Variants in TOP1 observed in about 807,000 individuals in gnomAD.
TOP1 encodes the protein DNA topoisomerase I.
A neutral mutation model predicts 111.1 loss-of-function variants in TOP1; 10 were observed. The observed-to-expected ratio is 0.09, with a 90% confidence interval of 0.06 to 0.15. The LOEUF (loss-of-function observed/expected upper bound fraction) is 0.15. TOP1 is among the 10% of genes least tolerant of loss of function. The pLI is 1.00. For missense variants in TOP1, 474 were observed against 926.7 expected (o/e 0.51, Z 6.34); for synonymous variants, 271 against 302.9 (o/e 0.89, Z 1.10).
intron 2 of TOP1, among the ~76,000 whole-genome samples, chr20:41,047,147 G>A (rs747925758): frequency 3.3e-5 from 5 of 152,304 alleles, no homozygotes; most frequent in South Asian, 2.1e-4. Context: ...TAGTACTAGC[G>A]CAGTGTTCTG....
In TOP1 at chr20:41,097,852, A is replaced by G. The variant is rs1469071541; in HGVS notation, c.853-363A>G. On this transcript the variant is annotated intron_variant, in intron 10 of 20. Coordinates refer to ENST00000361337, the MANE Select transcript of TOP1 (RefSeq NM_003286.4). This position sits in a 1 kb window ranked among gnomAD's most constrained non-coding sequence, Gnocchi z 4.2. ...TTACTTCCTGAACTAGCTCAGAAAA[A>G]GCAGACTTAATAAATGAATAGAATA... 6.6e-6 allele frequency among the ~76,000 whole-genome samples: 1 copy of G among 152,212 alleles called. No individual in the cohort carries two copies. The highest frequency in any genetic ancestry group is 6.5e-5 in the Admixed American group (1 of 15,284).
At position 41,071,507 on chromosome 20, in the gene TOP1, G is replaced by C. The variant is rs2033669113; in HGVS notation, c.156-4664G>C. Among the ~76,000 whole-genome samples the C allele has an allele frequency of 6.6e-6, 1 of 152,104 alleles. No individual in the cohort carries two copies. The highest frequency in any genetic ancestry group is 6.5e-5 in the Admixed American group (1 of 15,274). On this transcript the variant is annotated intron_variant, in intron 3 of 20. Coordinates refer to ENST00000361337, the MANE Select transcript of TOP1 (RefSeq NM_003286.4). This position sits in a 1 kb window ranked among gnomAD's most constrained non-coding sequence, Gnocchi z 4.3. The stretch of plus-strand genomic sequence containing the variant: ...TTACAGGCATGTGCCACCACGCCCA[G>C]CTAATTTTTGTATTTTTAGTAGAAA...
chr20:41,054,146 A>G (rs554267831), intron 2 of TOP1, among the ~76,000 whole-genome samples: 3 of 152,274 alleles, frequency 2.0e-5, no homozygotes, highest in Admixed American at 2.0e-4. Context: ...TCCCCACCCA[A>G]ATCTCATGTT....
chr20:41,040,320 C>T (rs2033245771), intron 2 of TOP1, among the ~76,000 whole-genome samples: 1 of 152,176 alleles, frequency 6.6e-6, no homozygotes, highest in African/African-American at 2.4e-5. Flanking sequence ...CTTACTGTGC[C>T]TTAATCATAC....
chr20:41,104,240 T>C (rs1198660492), intron 13 of TOP1, among the ~76,000 whole-genome samples: 3 of 152,162 alleles, frequency 2.0e-5, no homozygotes, highest in African/African-American at 7.2e-5. Context: ...AAGAGGGAAA[T>C]GACACCAGAT....
chr20:41,110,830 G>T lies in TOP1; in HGVS notation c.1309-1952G>T, dbSNP rs142692722. 1.8e-3 allele frequency among the ~76,000 whole-genome samples: 274 copies of T among 152,288 alleles called. No individual in the cohort carries two copies. The highest frequency in any genetic ancestry group is 6.4e-3 in the African/African-American group (267 of 41,538). ...TAGTTTATTTTCTAAAAGTAGTCAA[G>T]AAAGCTTGTTCAGGGCATTGAACAC... is the stretch of plus-strand genomic sequence containing the variant. On this transcript the variant is annotated intron_variant, in intron 13 of 20. Coordinates refer to ENST00000361337, the MANE Select transcript of TOP1 (RefSeq NM_003286.4). This position sits in a 1 kb window ranked among gnomAD's most constrained non-coding sequence, Gnocchi z 4.2.
At chr20:41,073,385 A>AAAG (rs2033689684) in intron 3 of TOP1, 3 of 984,124 alleles carry the variant, frequency 3.0e-6, no homozygotes, top group Non-Finnish European at 3.6e-6. Flanking sequence ...AAAAAAAAAA[A>AAAG]AAAGAAAGAA....
At position 41,067,666 on chromosome 20, in the gene TOP1, G is replaced by A. The variant is rs148504891; in HGVS notation, c.155+6176G>A. Among the ~76,000 whole-genome samples the A allele has an allele frequency of 2.2e-3, 332 of 152,312 alleles. 1 individual carries two copies. The highest frequency in any genetic ancestry group is 6.6e-3 in the African/African-American group (273 of 41,576). Reference sequence around the variant, plus strand: ...TTGTTAGGAGAAAACAAGTGTTTCAGATGTGTTTCTGTGTCCCTTCCTTCT... The same window carrying A: ...TTGTTAGGAGAAAACAAGTGTTTCAAATGTGTTTCTGTGTCCCTTCCTTCT... On this transcript the variant is annotated intron_variant, in intron 3 of 20. Transcript: ENST00000361337. This position sits in a 1 kb window ranked among gnomAD's most constrained non-coding sequence, Gnocchi z 4.0.
rs1308902998 is a variant in TOP1 at position 41,102,887 on chromosome 20, GT to G, written c.1308+1536del. Among the ~76,000 whole-genome samples, 1 of 152,154 alleles carries G rather than the reference GT, an allele frequency of 6.6e-6. No individual in the cohort carries two copies. Among genetic ancestry groups the G allele is most frequent in the East Asian group, 1.9e-4 (1 of 5,196 alleles). ...TAAAATGCATTAGATAAACAGAGGA[GT>G]TATTTGCAGCACCTTAGAGATCAAC... On this transcript the variant is annotated intron_variant, in intron 13 of 20. Coordinates refer to ENST00000361337, the MANE Select transcript of TOP1 (RefSeq NM_003286.4). This position sits in a 1 kb window ranked among gnomAD's most constrained non-coding sequence, Gnocchi z 4.0.
chr20:41,104,988 A>G (rs1297748559), intron 13 of TOP1, among the ~76,000 whole-genome samples: 1 of 152,222 alleles, frequency 6.6e-6, no homozygotes, highest in East Asian at 1.9e-4. Flanking sequence ...TAATTATGTA[A>G]TGAACACTCG....
chr20:41,104,076 C>T (rs910603951), intron 13 of TOP1, among the ~76,000 whole-genome samples: 46 of 152,166 alleles, frequency 3.0e-4, no homozygotes, highest in Non-Finnish European at 1.9e-4. Context: ...GTCTCTTTAA[C>T]ATGGCATTTA....
At chr20:41,064,680 T>C (rs1305171439) in intron 3 of TOP1, among the ~76,000 whole-genome samples, 1 of 152,206 alleles carries the variant, frequency 6.6e-6, no homozygotes, top group Non-Finnish European at 1.5e-5. Context: ...TAGTTGCAGC[T>C]CAGACTTGAC....
chr20:41,116,135 CT>C lies in TOP1; in HGVS notation c.1708-139del. Reference sequence around the variant, plus strand: ...TCATGTAACCCTGTATTCTGGAATTCTTTTCCTCTTTCCCTAACTTCCCACT... The same window carrying C: ...TCATGTAACCCTGTATTCTGGAATTCTTTCCTCTTTCCCTAACTTCCCACT... On this transcript the variant is annotated intron_variant, in intron 16 of 20. Coordinates refer to ENST00000361337, the MANE Select transcript of TOP1 (RefSeq NM_003286.4). This position sits in a 1 kb window ranked among gnomAD's most constrained non-coding sequence, Gnocchi z 5.6. 3.3e-6 allele frequency: 2 copies of C among 600,498 alleles called. No individual in the cohort carries two copies. The highest frequency in any genetic ancestry group is 3.0e-6 in the Non-Finnish European group (1 of 333,382). 37.2% of individuals were successfully genotyped at this position (600,498 alleles called of 1,614,324 possible).
intron 6 of TOP1, 97 bp from the exon 7 acceptor site, chr20:41,081,068 C>CT (rs2033783088): frequency 9.3e-7 from 1 of 1,073,036 alleles, no homozygotes; most frequent in Non-Finnish European, 1.3e-6. Context: ...AGTGATTACT[C>CT]TTGCCATGGA....
At chr20:41,038,229 T>C (rs2033214146) in intron 2 of TOP1, among the ~76,000 whole-genome samples, 1 of 152,210 alleles carries the variant, frequency 6.6e-6, no homozygotes, top group Admixed American at 6.5e-5. Flanking sequence ...ATTCGAGTTC[T>C]TGAGCTTCTG....
Position 41,097,429 on chromosome 20 carries a change from G to C in TOP1, c.852+88G>C. On this transcript the variant is annotated intron_variant, in intron 10 of 20. Transcript: ENST00000361337. This position sits in a 1 kb window ranked among gnomAD's most constrained non-coding sequence, Gnocchi z 4.2. ...ATTATCATTTTGCAAAACATTTCCT[G>C]ATGTAAAATTTGAGTTGTATGGATT... is the stretch of plus-strand genomic sequence containing the variant. 7.4e-7 allele frequency: 1 copy of C among 1,346,348 alleles called. No homozygotes were observed. Among genetic ancestry groups the C allele is most frequent in the Non-Finnish European group, 1.0e-6 (1 of 996,022 alleles). The allele number at this position is 1,346,348 out of a possible 1,614,324, so 83.4% of individuals were successfully genotyped here. A position where few individuals can be genotyped will look rare whatever the true frequency, so the allele number is the denominator to read the frequency against.
chr20:41,059,479 C>T lies in TOP1; in HGVS notation c.59-1915C>T, dbSNP rs963198357. 6.0e-5 allele frequency among the ~76,000 whole-genome samples: 9 copies of T among 150,266 alleles called. No individual in the cohort carries two copies. In the East Asian group the frequency reaches 1.7e-3, roughly 29 times the overall value. On this transcript the variant is annotated intron_variant, in intron 2 of 20. Coordinates refer to ENST00000361337, the MANE Select transcript of TOP1 (RefSeq NM_003286.4). ...AAATAAGGTGGTGGTGGTGATATGC[C>T]CTTGTAATCCCAGCCATTCCAAGGG...
intron 7 of TOP1, among the ~76,000 whole-genome samples, 188 bp from the exon 8 acceptor site, chr20:41,084,274 A>G (rs1219303993): frequency 6.6e-6 from 1 of 152,124 alleles, no homozygotes; most frequent in Admixed American, 6.5e-5. Flanking sequence ...AGGAAATTTT[A>G]GGAAATACTG....
At position 41,029,408 on chromosome 20, in the gene TOP1, A is replaced by G. The variant is rs756044030; in HGVS notation, c.34-23A>G. On this transcript the variant is annotated intron_variant, in intron 1 of 20. Coordinates refer to ENST00000361337, the MANE Select transcript of TOP1 (RefSeq NM_003286.4). The surrounding 1 kb of genome is among the most constrained non-coding windows in gnomAD (Gnocchi z 6.1). ...GGGGTTAAAGTGGCTGTTGTTTGAT[A>G]TTCTCTCCTTTTCTTTTTCCAGATC... is the stretch of plus-strand genomic sequence containing the variant. 1 of 1,465,794 alleles carries G rather than the reference A, an allele frequency of 6.8e-7. No individual in the cohort carries two copies. The highest frequency in any genetic ancestry group is 9.1e-7 in the Non-Finnish European group (1 of 1,104,772). The allele number at this position is 1,465,794 out of a possible 1,614,324, so 90.8% of individuals were successfully genotyped here. A position where few individuals can be genotyped will look rare whatever the true frequency, so the allele number is the denominator to read the frequency against.
Sources: allele counts gnomAD v4.1 joint callset (sites outside exome capture counted in the v4.1 genomes callset), GRCh38; gene constraint gnomAD v4.1.1; non-coding constraint Gnocchi (gnomAD v3.1); transcripts MANE v1.5; gene names NCBI Gene and HGNC (gene_info 2026-07-23, HGNC 2026-07-21).